The following SMOX variants were observed in gnomAD, a reference collection of about 807,000 sequenced individuals.
SMOX encodes the protein flavin containing amine oxidase.
Under a neutral mutation model 51.0 loss-of-function variants are expected in SMOX, and 22 were observed. The ratio of observed to expected loss-of-function variants is 0.43; its 90% CI spans 0.31 to 0.62. The LOEUF (loss-of-function observed/expected upper bound fraction) is 0.62, where lower values mean the gene tolerates loss of function less well. Among genes scored for constraint, SMOX ranks in the 20% least tolerant of loss-of-function variants. SMOX has a pLI of 0.10. For missense variants in SMOX, 566 were observed against 777.7 expected, an observed-to-expected ratio of 0.73 and a Z score of 3.24; for synonymous variants, 282 against 307.8, an observed-to-expected ratio of 0.92 and a Z score of 0.88.
At chr20:4,164,627 T>C (rs1267447476) in intron 1 of SMOX, among the ~76,000 whole-genome samples, 1 of 152,218 alleles carries the variant, frequency 6.6e-6, no homozygotes, top group Admixed American at 6.5e-5. Context: ...GATTTGTGTG[T>C]GTGTGTGTGT....
intron 6 of SMOX, among the ~76,000 whole-genome samples, chr20:4,186,148 T>TA (rs986284769): frequency 2.0e-5 from 3 of 150,402 alleles, no homozygotes; most frequent in Non-Finnish European, 4.4e-5. Context: ...ACAAAAAATT[T>TA]AAAAAAAAAT....
intron 1 of SMOX, among the ~76,000 whole-genome samples, chr20:4,156,702 G>T (rs879289943): frequency 1.3e-5 from 2 of 152,182 alleles, no homozygotes; most frequent in Admixed American, 6.6e-5. Context: ...GGACCTGTCT[G>T]GTGCCTGGGA....
chr20:4,156,539 C>G (rs1002009762), intron 1 of SMOX, among the ~76,000 whole-genome samples: 4 of 152,202 alleles, frequency 2.6e-5, no homozygotes, highest in African/African-American at 7.2e-5. Context: ...GGGACCTCAA[C>G]TGACCAGGGC....
rs887784765 is a variant in SMOX at position 4,182,332 on chromosome 20, G to A, written c.853G>A (p.Asp285Asn). ...TGAGATTGAGCCCCGGGGTGAGGGCGACCACAATCACGACACTGGGGAGGG... is the reference window on the plus strand; with the variant it reads ...TGAGATTGAGCCCCGGGGTGAGGGCAACCACAATCACGACACTGGGGAGGG... ...GPEIEPRGEGDHNHDTGEGGQ... is the reference protein window; with the variant it reads ...GPEIEPRGEGNHNHDTGEGGQ... The change falls in exon 5 of 7, where the codon GAC becomes AAC. Residue 285 changes from aspartate to asparagine, a missense_variant. This residue lies in a region of SMOX where 347 missense variants were observed against 481.8 expected (regional missense o/e 0.72). Coordinates refer to ENST00000305958, the MANE Select transcript of SMOX (RefSeq NM_175839.3). The surrounding 1 kb of genome is among the most constrained non-coding windows in gnomAD (Gnocchi z 8.4). The A allele has an allele frequency of 1.5e-5, 24 of 1,593,968 alleles. No individual in the cohort carries two copies. The highest frequency in any genetic ancestry group is 2.1e-5 in the Non-Finnish European group (24 of 1,166,702).
chr20:4,183,337 C>A lies in SMOX; in HGVS notation c.1370-157C>A. ...AGTGGGTACACAGCTCGAGCCCCAG[C>A]CTCCCTCCTTCCTCTTCTATCCTCC... is the stretch of plus-strand genomic sequence containing the variant. On this transcript the variant is annotated intron_variant, in intron 5 of 6. Transcript: ENST00000305958. This position sits in a 1 kb window ranked among gnomAD's most constrained non-coding sequence, Gnocchi z 4.3. 2 of 1,086,436 alleles carry A rather than the reference C, an allele frequency of 1.8e-6. No homozygotes were observed. The highest frequency in any genetic ancestry group is 1.4e-6 in the Non-Finnish European group (1 of 730,560). The allele number at this position is 1,086,436 out of a possible 1,614,324, so 67.3% of individuals were successfully genotyped here. A position where few individuals can be genotyped will look rare whatever the true frequency, so the allele number is the denominator to read the frequency against.
chr20:4,162,453 T>TG (rs1358118980), intron 1 of SMOX, among the ~76,000 whole-genome samples: 2 of 152,368 alleles, frequency 1.3e-5, no homozygotes, highest in East Asian at 3.9e-4. Flanking sequence ...GCAGTTTCCC[T>TG]GCGTGGAGCT....
In SMOX at chr20:4,182,701, A is replaced by G. The variant is rs1232868800; in HGVS notation, c.1222A>G (p.Ile408Val). The change falls in exon 5 of 7, where the codon ATC becomes GTC. Residue 408 changes from isoleucine (I) to valine (V), a missense_variant. Ile to Val is a conservative substitution (Grantham distance 29, BLOSUM62 3). Coordinates refer to ENST00000305958, the MANE Select transcript of SMOX (RefSeq NM_175839.3). This position sits in a 1 kb window ranked among gnomAD's most constrained non-coding sequence, Gnocchi z 8.4. ...CCCACCTGAGCTCTGGTACCGCAAG[A>G]TCTGCGGCTTTGATGTCCTCTACCC... is the stretch of plus-strand genomic sequence containing the variant. ...TYPPELWYRK[I>V]CGFDVLYPPE... is the part of the protein sequence containing the mutation. The G allele has an allele frequency of 6.2e-7, 1 of 1,613,938 alleles. No individual in the cohort carries two copies. Among genetic ancestry groups the G allele is most frequent in the African/African-American group, 1.3e-5 (1 of 74,886 alleles).
intron 1 of SMOX, among the ~76,000 whole-genome samples, chr20:4,160,843 G>A (rs1204355109): frequency 6.6e-6 from 1 of 152,132 alleles, no homozygotes; most frequent in Non-Finnish European, 1.5e-5. Flanking sequence ...TGGGGCTGTC[G>A]TGTCTCTTTG....
chr20:4,173,687 G>A (rs892783928), intron 1 of SMOX, among the ~76,000 whole-genome samples: 7 of 152,142 alleles, frequency 4.6e-5, no homozygotes, highest in African/African-American at 1.7e-4. Flanking sequence ...GCCACCTTCC[G>A]CCCACATTTG....
rs1978913602 is a variant in SMOX, at chr20:4,177,027, C to A, written c.209-324C>A. Among the ~76,000 whole-genome samples, 1 of 152,040 alleles carries A rather than the reference C, an allele frequency of 6.6e-6. No homozygotes were observed. On this transcript the variant is annotated intron_variant, in intron 2 of 6. Transcript: ENST00000305958. The surrounding 1 kb of genome is among the most constrained non-coding windows in gnomAD (Gnocchi z 4.3). ...AGTGCTTCTCCCCGGTGAGGAGGCA[C>A]CAGTGAGGAAGTGGGGTCTGATATC...
In SMOX at chr20:4,182,041, C is replaced by G. The variant is rs746096963; in HGVS notation, c.610-48C>G. ...GAGGAGGGCTACGCTGCTCCTACCCCTGCCCAACCCCGGCGGTCACCTGGC... is the reference window on the plus strand; with the variant it reads ...GAGGAGGGCTACGCTGCTCCTACCCGTGCCCAACCCCGGCGGTCACCTGGC... On this transcript the variant is annotated intron_variant, in intron 4 of 6. Transcript: ENST00000305958. This position sits in a 1 kb window ranked among gnomAD's most constrained non-coding sequence, Gnocchi z 8.4. 1.3e-6 allele frequency: 2 copies of G among 1,590,782 alleles called. No individual in the cohort carries two copies. The highest frequency in any genetic ancestry group is 1.7e-6 in the Non-Finnish European group (2 of 1,166,720).
chr20:4,176,354 T>C (rs960667517), intron 2 of SMOX, among the ~76,000 whole-genome samples: 1 of 152,160 alleles, frequency 6.6e-6, no homozygotes, highest in Admixed American at 6.5e-5. Context: ...GTTGTCCCTT[T>C]TCCCCAGCAC....
intron 6 of SMOX, among the ~76,000 whole-genome samples, chr20:4,185,445 A>G (rs1432251328): frequency 2.7e-5 from 4 of 150,860 alleles, no homozygotes; most frequent in Non-Finnish European, 5.9e-5. Context: ...CCCTGTCTCT[A>G]CTAAAAATAC....
In SMOX at chr20:4,182,538, G is replaced by C. The variant is rs917615923; in HGVS notation, c.1059G>C (p.Lys353Asn). The C allele has an allele frequency of 6.2e-7, 1 of 1,613,576 alleles. No homozygotes were observed. The highest frequency in any genetic ancestry group is 8.5e-7 in the Non-Finnish European group (1 of 1,179,728). ...TCCGGCCAGGCCTGCCCACAGAGAAGGTGGCTGCCATCCACCGCCTGGGCA... is the reference window on the plus strand; with the variant it reads ...TCCGGCCAGGCCTGCCCACAGAGAACGTGGCTGCCATCCACCGCCTGGGCA... Reference protein sequence around the residue: ...SFFRPGLPTEKVAAIHRLGIG... With the variant: ...SFFRPGLPTENVAAIHRLGIG... The change falls in exon 5 of 7, where the codon AAG (lysine) becomes AAC (asparagine). Residue 353 changes from lysine to asparagine, a missense_variant. Lys to Asn is a moderately conservative substitution (Grantham distance 94, BLOSUM62 0). Transcript: ENST00000305958. This position sits in a 1 kb window ranked among gnomAD's most constrained non-coding sequence, Gnocchi z 8.4.
At position 4,167,563 on chromosome 20, in the gene SMOX, C is replaced by A. The variant is rs766797982; in HGVS notation, c.-26-7467C>A. Among the ~76,000 whole-genome samples the A allele has an allele frequency of 6.6e-6, 1 of 152,112 alleles. No homozygotes were observed. Among genetic ancestry groups the A allele is most frequent in the African/African-American group, 2.4e-5 (1 of 41,396 alleles). On this transcript the variant is annotated intron_variant, in intron 1 of 6. Transcript: ENST00000305958. This position sits in a 1 kb window ranked among gnomAD's most constrained non-coding sequence, Gnocchi z 4.8. ...CCCAGGTAGTGGGGTACAGAGGGTGCGTCCTTGGAGTGAGTTCAGAGGTGT... is the reference window on the plus strand; with the variant it reads ...CCCAGGTAGTGGGGTACAGAGGGTGAGTCCTTGGAGTGAGTTCAGAGGTGT...
Position 4,183,718 on chromosome 20 carries a change from A to C in SMOX, c.1530+64A>C. ...TGTATTTTGTATGTGTGTCCGGTCC[A>C]GGGTGAGGAGGGCTAGGGTAGTGTT... On this transcript the variant is annotated intron_variant, in intron 6 of 6. Transcript: ENST00000305958. This position sits in a 1 kb window ranked among gnomAD's most constrained non-coding sequence, Gnocchi z 4.3. 1 of 1,504,464 alleles carries C rather than the reference A, an allele frequency of 6.6e-7. No homozygotes were observed. The highest frequency in any genetic ancestry group is 2.3e-5 in the East Asian group (1 of 43,640). The allele number at this position is 1,504,464 out of a possible 1,614,324, so 93.2% of individuals were successfully genotyped here.
intron 1 of SMOX, among the ~76,000 whole-genome samples, chr20:4,152,837 C>A (rs1315019422): frequency 6.6e-6 from 1 of 152,180 alleles, no homozygotes; most frequent in Admixed American, 6.5e-5. Flanking sequence ...TAAATAGTGA[C>A]AGAATGAGGA....
At chr20:4,164,117 C>T (rs931152090) in intron 1 of SMOX, among the ~76,000 whole-genome samples, 1 of 152,096 alleles carries the variant, frequency 6.6e-6, no homozygotes, top group African/African-American at 2.4e-5. Flanking sequence ...CTATCCTGAT[C>T]CCCTGTTCTT....
Position 4,166,491 on chromosome 20 carries a change from G to T in SMOX, c.-26-8539G>T, listed in dbSNP as rs1986577409. 6.6e-6 allele frequency among the ~76,000 whole-genome samples: 1 copy of T among 152,130 alleles called. No individual in the cohort carries two copies. The highest frequency in any genetic ancestry group is 1.5e-5 in the Non-Finnish European group (1 of 68,020). ...GCCTCCCAAAGTGCTGGAATTACAG[G>T]TGTGAGCCACTGTGCCCTCCCAGCC... On this transcript the variant is annotated intron_variant, in intron 1 of 6. Coordinates refer to ENST00000305958, the MANE Select transcript of SMOX (RefSeq NM_175839.3). The surrounding 1 kb of genome is among the most constrained non-coding windows in gnomAD (Gnocchi z 4.2).
Sources: allele counts gnomAD v4.1 joint callset (sites outside exome capture counted in the v4.1 genomes callset), GRCh38; gene constraint gnomAD v4.1.1; regional missense constraint gnomAD v4.1.1; non-coding constraint Gnocchi (gnomAD v3.1); transcripts MANE v1.5; gene names NCBI Gene and HGNC (gene_info 2026-07-23, HGNC 2026-07-21).